Variants in CYFIP1 observed in about 807,000 individuals in gnomAD.
CYFIP1 encodes cytoplasmic FMR1 interacting protein 1, also known as cytoplasmic FMR1-interacting protein 1.
Under a neutral mutation model 163.5 loss-of-function variants are expected in CYFIP1, and 58 were observed. That is an observed-to-expected ratio of 0.35 (90% CI 0.29 to 0.44). The LOEUF is 0.44. Among genes scored for constraint, CYFIP1 ranks in the 20% least tolerant of loss-of-function variants. The pLI, the probability that CYFIP1 is intolerant of heterozygous loss-of-function variation, is 1.00. For missense variants in CYFIP1, 1,338 were observed against 1,653.8 expected (o/e 0.81, Z 3.31); for synonymous variants, 663 against 660.7 (o/e 1.00, Z -0.05).
intron 1 of CYFIP1, among the ~76,000 whole-genome samples, chr15:22,958,825 G>A (rs760184593): frequency 1.3e-5 from 2 of 152,234 alleles, no homozygotes; most frequent in Admixed American, 6.5e-5. Context: ...CCCCAGGAGG[G>A]CAAGGGAGAG....
rs557492908 is a variant in CYFIP1 at position 22,968,494 on chromosome 15, G to A, written c.-7+11793C>T. ...TAGCCTATGGGCCTGCCTTGCAAAC[G>A]CTGGACTTGCCAGCCTCTACAATTG... On this transcript the variant is annotated intron_variant, in intron 1 of 30. Coordinates refer to ENST00000617928, the MANE Select transcript of CYFIP1 (RefSeq NM_014608.6). 2.2e-3 allele frequency among the ~76,000 whole-genome samples: 333 copies of A among 152,262 alleles called. 6 individuals carry two copies. Among genetic ancestry groups the A allele is most frequent in the African/African-American group, 7.6e-3 (314 of 41,540 alleles).
chr15:22,969,282 C>T (rs548582737), intron 1 of CYFIP1, among the ~76,000 whole-genome samples: 2 of 152,238 alleles, frequency 1.3e-5, no homozygotes, highest in African/African-American at 4.8e-5. Flanking sequence ...TCACCTCTGC[C>T]CCCATGGAGG....
chr15:22,878,264 A>G (rs1008339590), intron 26 of CYFIP1, among the ~76,000 whole-genome samples: 2 of 152,190 alleles, frequency 1.3e-5, no homozygotes, highest in African/African-American at 4.8e-5. Flanking sequence ...CAAGGCAGGG[A>G]ACGCGGCAAG....
chr15:22,870,462 C>T (rs551892349), intron 30 of CYFIP1, among the ~76,000 whole-genome samples: 90 of 151,990 alleles, frequency 5.9e-4, no homozygotes, highest in Non-Finnish European at 1.1e-3. Context: ...GCGTGTACCA[C>T]CACACGCAGC....
Position 22,869,896 on chromosome 15 carries a change from T to C in CYFIP1, c.*132A>G, listed in dbSNP as rs1055266968. 1.3e-5 allele frequency: 10 copies of C among 756,062 alleles called. No homozygotes were observed. Among genetic ancestry groups the C allele is most frequent in the Non-Finnish European group, 1.9e-5 (10 of 540,334 alleles). 46.8% of individuals were successfully genotyped at this position (756,062 alleles called of 1,614,324 possible). Reference sequence around the variant, plus strand: ...GAAAAATAAGTCAATTTTATAAAATTAAGTTTTTAGATCGAAAAGCACCCC... The same window carrying C: ...GAAAAATAAGTCAATTTTATAAAATCAAGTTTTTAGATCGAAAAGCACCCC... On this transcript the variant is annotated 3_prime_UTR_variant, in exon 31 of 31. Coordinates refer to ENST00000617928, the MANE Select transcript of CYFIP1 (RefSeq NM_014608.6).
chr15:22,932,243 C>T lies in CYFIP1; in HGVS notation c.1090G>A (p.Ala364Thr), dbSNP rs754875182. 3 of 1,611,798 alleles carry T rather than the reference C, an allele frequency of 1.9e-6. No individual in the cohort carries two copies. The highest frequency in any genetic ancestry group is 2.5e-6 in the Non-Finnish European group (3 of 1,178,888). Residue 364 changes from alanine to threonine, a missense_variant, in exon 11 of 31, where the codon GCG (alanine) becomes ACG (threonine). Transcript: ENST00000617928. The stretch of plus-strand genomic sequence containing the variant: ...CGCACCTCGCTGTTGCTGTAGCGCG[C>T]CAGCTCCGAAATGAAGCGCATGTGG... ...EDHMRFISELARYSNSEVVTG... is the reference protein window; with the variant it reads ...EDHMRFISELTRYSNSEVVTG...
intron 23 of CYFIP1, among the ~76,000 whole-genome samples, chr15:22,888,469 A>G (rs1177796060): frequency 1.3e-5 from 2 of 152,172 alleles, no homozygotes; most frequent in African/African-American, 2.4e-5. Context: ...ACGGTGGCTC[A>G]CGGCTACATC....
intron 13 of CYFIP1, 148 bp from the exon 14 acceptor site, chr15:22,919,006 G>T: frequency 1.6e-6 from 1 of 625,626 alleles, no homozygotes; most frequent in Non-Finnish European, 2.8e-6. Context: ...GCCCCAAAAC[G>T]TCTTCTCCAA....
intron 1 of CYFIP1, among the ~76,000 whole-genome samples, chr15:22,979,561 C>T (rs1471189696): frequency 6.6e-6 from 1 of 152,206 alleles, no homozygotes; most frequent in African/African-American, 2.4e-5. Flanking sequence ...ACCGTCCAGA[C>T]GCCCCTCTCA....
intron 6 of CYFIP1, among the ~76,000 whole-genome samples, 163 bp downstream of exon 6, chr15:22,943,010 T>A (rs1341000889): frequency 6.6e-6 from 1 of 152,110 alleles, no homozygotes; most frequent in Non-Finnish European, 1.5e-5. Flanking sequence ...CCTCACCTTA[T>A]CCCTCGAAGC....
chr15:22,870,274 A>AT, intron 30 of CYFIP1, 82 bp from the exon 31 acceptor site: 1 of 1,470,142 alleles, frequency 6.8e-7, no homozygotes, highest in Admixed American at 2.3e-5. Context: ...GGATTCTTAT[A>AT]TTTTCTCAGA....
intron 1 of CYFIP1, among the ~76,000 whole-genome samples, chr15:22,970,477 T>C (rs12442136): frequency 0.087 from 13,186 of 152,246 alleles, 673 homozygotes; most frequent in East Asian, 0.17. Context: ...GGACCCAGAA[T>C]AGCCAAAGCA....
At chr15:22,883,734 A>G (rs879443295) in intron 23 of CYFIP1, among the ~76,000 whole-genome samples, 88 of 148,696 alleles carry the variant, frequency 5.9e-4, no homozygotes, top group Admixed American at 1.4e-3. Flanking sequence ...GGAGAATGGC[A>G]TGAACCTGGG....
At chr15:22,892,772 A>G (rs1175818546) in intron 23 of CYFIP1, 118 bp downstream of exon 23, 8 of 727,726 alleles carry the variant, frequency 1.1e-5, no homozygotes, top group African/African-American at 9.0e-5. Context: ...AAAAAAAAAT[A>G]ACATTTTATA....
intron 21 of CYFIP1, among the ~76,000 whole-genome samples, chr15:22,907,772 G>A (rs2060633901): frequency 1.3e-5 from 2 of 152,200 alleles, no homozygotes; most frequent in African/African-American, 4.8e-5. Context: ...GATCCACAGA[G>A]CTGTGGTTCG....
At chr15:22,885,475 G>GT (rs1215040023) in intron 23 of CYFIP1, among the ~76,000 whole-genome samples, 1 of 152,194 alleles carries the variant, frequency 6.6e-6, no homozygotes, top group Non-Finnish European at 1.5e-5. Context: ...GCTCACGCCT[G>GT]TAATCCTAGC....
At chr15:22,891,497 GCCC>G (rs1392945236) in intron 23 of CYFIP1, among the ~76,000 whole-genome samples, 2 of 152,212 alleles carry the variant, frequency 1.3e-5, no homozygotes, top group African/African-American at 4.8e-5. Flanking sequence ...GTCCACGTGG[GCCC>G]CGTTTCCCGA....
chr15:22,933,400 C>T (rs1380807998), intron 10 of CYFIP1, among the ~76,000 whole-genome samples: 8 of 151,594 alleles, frequency 5.3e-5, no homozygotes, highest in Non-Finnish European at 1.2e-4. Flanking sequence ...CTGCAAGCTC[C>T]GCCTCCCAGG....
At chr15:22,919,130 C>T (rs2061095403) in intron 13 of CYFIP1, among the ~76,000 whole-genome samples, 1 of 152,144 alleles carries the variant, frequency 6.6e-6, no homozygotes, top group African/African-American at 2.4e-5. Flanking sequence ...AGCACACCCT[C>T]CTGTGATGGA....
Sources: allele counts gnomAD v4.1 joint callset (sites outside exome capture counted in the v4.1 genomes callset), GRCh38; gene constraint gnomAD v4.1.1; transcripts MANE v1.5; gene names NCBI Gene and HGNC (gene_info 2026-07-23, HGNC 2026-07-21).